Variants in CNOT2 observed in about 807,000 individuals in gnomAD.
CNOT2 encodes the protein CCR4-NOT transcription complex subunit 2.
CNOT2 carries 7 observed loss-of-function variants against 72.1 expected under a neutral mutation model. The observed-to-expected ratio is 0.10, with a 90% CI of 0.06 to 0.18. The LOEUF is 0.18. CNOT2 is among the 10% of genes least tolerant of loss of function. CNOT2 has a pLI of 1.00. For missense variants in CNOT2, 345 were observed against 660.3 expected (o/e 0.52, Z 5.23); for synonymous variants, 196 against 225.6 (o/e 0.87, Z 1.17).
intron 2 of CNOT2, among the ~76,000 whole-genome samples, chr12:70,292,765 TA>T (rs1422755751): frequency 6.6e-6 from 1 of 152,208 alleles, no homozygotes; most frequent in African/African-American, 2.4e-5. Context: ...CTGAAGGGGA[TA>T]AAGTGTATAA....
chr12:70,345,439 CTA>C (rs1432750162), intron 14 of CNOT2: 1 of 152,132 alleles, frequency 6.6e-6, no homozygotes, highest in African/African-American at 2.4e-5. Context: ...ACTCATTCAT[CTA>C]TCACTGGCAG....
At chr12:70,343,700 A>G (rs943190499) in intron 13 of CNOT2, among the ~76,000 whole-genome samples, 7 of 152,208 alleles carry the variant, frequency 4.6e-5, no homozygotes, top group Admixed American at 1.3e-4. Flanking sequence ...GTCATTGTCC[A>G]CATTTGACAA....
At chr12:70,313,560 C>G (rs1396917234) in intron 3 of CNOT2, among the ~76,000 whole-genome samples, 1 of 151,062 alleles carries the variant, frequency 6.6e-6, no homozygotes, top group African/African-American at 2.4e-5. Context: ...CTTTTTTTTT[C>G]TACAAGCTTA....
intron 1 of CNOT2, among the ~76,000 whole-genome samples, chr12:70,254,980 CAAAAA>C (rs34311334): frequency 0.26 from 28,786 of 110,792 alleles, 3,156 homozygotes; most frequent in African/African-American, 0.36. Flanking sequence ...GACTGCATCT[CAAAAA>C]AAAAAAAAAA....
intron 4 of CNOT2, chr12:70,322,307 A>G (rs1878427112): frequency 6.6e-6 from 1 of 151,848 alleles, no homozygotes; most frequent in Non-Finnish European, 1.5e-5. Flanking sequence ...GACTTACTGT[A>G]CACCTTATAA....
intron 1 of CNOT2, among the ~76,000 whole-genome samples, chr12:70,265,327 T>TCTCTTCTCTTCTCGTC (rs200497693): frequency 1.5e-4 from 19 of 129,186 alleles, no homozygotes; most frequent in Non-Finnish European, 2.4e-4. Flanking sequence ...TCTCTTCTCT[T>TCTCTTCTCTTCTCGTC]TCTTTCTTTT....
At chr12:70,308,555 TTCTCTCTCTCTC>T (rs3049213) in intron 2 of CNOT2, among the ~76,000 whole-genome samples, 1 of 134,256 alleles carries the variant, frequency 7.4e-6, no homozygotes, top group Non-Finnish European at 1.6e-5. Flanking sequence ...TTGGTATATT[TTCTCTCTCTCTC>T]TCTCTCTCTC....
chr12:70,319,375 TG>T lies in CNOT2; in HGVS notation c.238+12del, dbSNP rs752327453. 10 of 1,608,848 alleles carry T rather than the reference TG, an allele frequency of 6.2e-6. No individual in the cohort carries two copies. Among genetic ancestry groups the T allele is most frequent in the African/African-American group, 2.7e-5 (2 of 74,792 alleles). On this transcript the variant is annotated intron_variant, in intron 4 of 15. Coordinates refer to ENST00000229195, the MANE Select transcript of CNOT2 (RefSeq NM_014515.7). ...TATACGGGCAACAAAGTAAGAATTT[TG>T]TATTTATTCTGGGATACTTTATTTA...
chr12:70,263,353 C>G (rs1325100741), intron 1 of CNOT2, among the ~76,000 whole-genome samples: 2 of 151,988 alleles, frequency 1.3e-5, no homozygotes, highest in Non-Finnish European at 2.9e-5. Context: ...TTAATAGTAT[C>G]CTATGCTTTT....
chr12:70,257,492 C>G (rs1958518116), intron 1 of CNOT2, among the ~76,000 whole-genome samples: 1 of 151,592 alleles, frequency 6.6e-6, no homozygotes, highest in African/African-American at 2.4e-5. Context: ...TCCCAAGTTG[C>G]TGGGACTACA....
intron 15 of CNOT2, among the ~76,000 whole-genome samples, chr12:70,349,854 G>A (rs984796292): frequency 6.6e-5 from 10 of 152,014 alleles, no homozygotes; most frequent in South Asian, 2.1e-4. Context: ...GAGAGAGAGA[G>A]AAACATAGCC....
At chr12:70,298,306 C>T (rs750070733) in intron 2 of CNOT2, among the ~76,000 whole-genome samples, 17 of 152,126 alleles carry the variant, frequency 1.1e-4, no homozygotes, top group Non-Finnish European at 2.2e-4. Flanking sequence ...TTTATTTGCT[C>T]CTTACTGCTT....
intron 2 of CNOT2, among the ~76,000 whole-genome samples, chr12:70,280,902 T>A (rs1593110776): frequency 6.6e-6 from 1 of 152,178 alleles, no homozygotes; most frequent in Non-Finnish European, 1.5e-5. Context: ...ATAAAACAAT[T>A]TATTATATGG....
chr12:70,248,488 G>T (rs1173312617), intron 1 of CNOT2, among the ~76,000 whole-genome samples: 1 of 152,108 alleles, frequency 6.6e-6, no homozygotes, highest in Non-Finnish European at 1.5e-5. Flanking sequence ...ATGTTCACGT[G>T]TTTGACTGCA....
intron 1 of CNOT2, among the ~76,000 whole-genome samples, chr12:70,272,728 C>T (rs1018625320): frequency 1.3e-5 from 2 of 152,138 alleles, no homozygotes; most frequent in African/African-American, 2.4e-5. Context: ...GGCAATTCTA[C>T]CTACTGTCGT....
At chr12:70,257,504 G>A (rs536758781) in intron 1 of CNOT2, among the ~76,000 whole-genome samples, 2 of 151,870 alleles carry the variant, frequency 1.3e-5, no homozygotes, top group African/African-American at 4.8e-5. Context: ...GGGACTACAG[G>A]TGCCTGCCAC....
Position 70,311,385 on chromosome 12 carries a change from C to T in CNOT2, c.171+368C>T, listed in dbSNP as rs535147787. Among the ~76,000 whole-genome samples, 4 of 152,052 alleles carry T rather than the reference C, an allele frequency of 2.6e-5. No individual in the cohort carries two copies. In the East Asian group the frequency reaches 7.7e-4, roughly 29 times the overall value. On this transcript the variant is annotated intron_variant, in intron 3 of 15. Transcript: ENST00000229195. ...ATATAGAACAGAAAGCAGATTTACG[C>T]AGACTTGAAGATATAATGGCAAGCT...
intron 2 of CNOT2, among the ~76,000 whole-genome samples, chr12:70,280,316 C>T (rs571820711): frequency 1.3e-5 from 2 of 152,048 alleles, no homozygotes; most frequent in South Asian, 4.1e-4. Flanking sequence ...AGAAAAGGGA[C>T]ATAGAGGGAT....
chr12:70,270,807 C>T (rs1022823637), intron 1 of CNOT2, among the ~76,000 whole-genome samples: 1 of 152,002 alleles, frequency 6.6e-6, no homozygotes, highest in South Asian at 2.1e-4. Context: ...AGTTTTTATG[C>T]CAATGTTAAT....
Sources: allele counts gnomAD v4.1 joint callset (sites outside exome capture counted in the v4.1 genomes callset), GRCh38; gene constraint gnomAD v4.1.1; transcripts MANE v1.5; gene names NCBI Gene and HGNC (gene_info 2026-07-23, HGNC 2026-07-21).